The following KMT2E variants were observed in gnomAD, a reference collection of about 807,000 sequenced individuals.
The protein encoded by KMT2E is lysine methyltransferase 2E (inactive), also known as histone reader KMT2E.
A neutral mutation model predicts 184.6 loss-of-function variants in KMT2E; 30 were observed. That is an observed-to-expected ratio of 0.16 (90% CI 0.12 to 0.22). KMT2E has a LOEUF of 0.22. Ranked by LOEUF, KMT2E falls within the 10% of genes least tolerant of loss-of-function variation. The probability of loss-of-function intolerance (pLI) is 1.00; values close to 1 mark genes in which losing one functional copy is unlikely to be tolerated. For synonymous variants in KMT2E, 815 were observed against 776.5 expected (o/e 1.05, Z -0.82); for missense variants, 2,023 against 2,237.4 (o/e 0.90, Z 1.93).
intron 1 of KMT2E, among the ~76,000 whole-genome samples, chr7:105,025,233 T>G (rs1366263609): frequency 6.6e-6 from 1 of 152,174 alleles, no homozygotes; most frequent in East Asian, 1.9e-4. Flanking sequence ...CAGGTTGTAC[T>G]TCTTTGGGCA....
In KMT2E at chr7:105,105,581, G is replaced by A. The variant is rs1798865535; in HGVS notation, c.2339G>A (p.Ser780Asn). The change falls in exon 18 of 27, where the codon AGC (serine) becomes AAC (asparagine). Residue 780 changes from serine to asparagine, a missense_variant. This residue lies in a region of KMT2E where 514 missense variants were observed against 621.8 expected (regional missense o/e 0.83). Transcript: ENST00000311117. Reference sequence around the variant, plus strand: ...AATTCTTTACCAGGTCTCACTTACAGCCCCCATGTATACTCCACTCCTAAG... The same window carrying A: ...AATTCTTTACCAGGTCTCACTTACAACCCCCATGTATACTCCACTCCTAAG... ...QLNSLPGLTY[S>N]PHVYSTPKHY... The A allele has an allele frequency of 1.2e-6, 2 of 1,613,764 alleles. No homozygotes were observed. Among genetic ancestry groups the A allele is most frequent in the East Asian group, 4.5e-5 (2 of 44,878 alleles).
rs1195200530 is a variant in KMT2E, at chr7:105,115,007, ATTC to A, written c.*1680_*1682del. Among the ~76,000 whole-genome samples, 7 of 152,240 alleles carry A rather than the reference ATTC, an allele frequency of 4.6e-5. No homozygotes were observed. The highest frequency in any genetic ancestry group is 1.7e-4 in the African/African-American group (7 of 41,466). ...GGTAACTAGCATGTGAAATAAAAAT[ATTC>A]TTCTTAAAAGGTTTGTCCTTCTAAG... On this transcript the variant is annotated 3_prime_UTR_variant, in exon 27 of 27. Coordinates refer to ENST00000311117, the MANE Select transcript of KMT2E (RefSeq NM_182931.3).
chr7:105,031,023 TAGAA>T (rs754520381), intron 1 of KMT2E, among the ~76,000 whole-genome samples: 1 of 151,992 alleles, frequency 6.6e-6, no homozygotes, highest in Non-Finnish European at 1.5e-5. Flanking sequence ...TAGAAGGAGA[TAGAA>T]GGAGAGTGAG....
chr7:105,075,123 T>G (rs1797475175), intron 8 of KMT2E, among the ~76,000 whole-genome samples: 1 of 152,026 alleles, frequency 6.6e-6, no homozygotes, highest in Non-Finnish European at 1.5e-5. Flanking sequence ...TTCCTTTCAC[T>G]TGTCTGTCTG....
rs373526032 is a variant in KMT2E, at chr7:105,111,863, C to A, written c.4107C>A (p.His1369Gln). The A allele has an allele frequency of 3.1e-6, 5 of 1,613,592 alleles. No individual in the cohort carries two copies. The highest frequency in any genetic ancestry group is 8.5e-7 in the Non-Finnish European group (1 of 1,179,862). ...SPGSVIPAQA[H>Q]GKIFTKPDPQ... ...GATCTGTAATTCCTGCTCAAGCACA[C>A]GGGAAAATATTCACAAAACCAGATC... The change falls in exon 27 of 27, where the codon CAC (histidine) becomes CAA (glutamine). Residue 1369 changes from histidine to glutamine, a missense_variant. Physicochemically the swap from His to Gln is conservative, Grantham distance 24. Transcript: ENST00000311117.
chr7:105,039,142 A>G (rs1056734414), intron 2 of KMT2E: 2 of 152,232 alleles, frequency 1.3e-5, no homozygotes, highest in East Asian at 1.9e-4. Context: ...GCATTCACCA[A>G]TTCTTTGTAG....
intron 1 of KMT2E, among the ~76,000 whole-genome samples, chr7:105,027,542 C>T (rs1229961216): frequency 2.0e-5 from 3 of 152,136 alleles, no homozygotes; most frequent in Non-Finnish European, 2.9e-5. Flanking sequence ...TGTTTGCATA[C>T]TGAGTATTTT....
intron 12 of KMT2E, among the ~76,000 whole-genome samples, chr7:105,079,170 T>G (rs1483855271): frequency 1.3e-5 from 2 of 151,130 alleles, no homozygotes; most frequent in African/African-American, 4.9e-5. Flanking sequence ...AGTTTCACTC[T>G]TGTTGCCCAG....
At chr7:105,066,031 G>A (rs1000096257) in intron 5 of KMT2E, among the ~76,000 whole-genome samples, 16 of 151,950 alleles carry the variant, frequency 1.1e-4, no homozygotes, top group African/African-American at 3.4e-4. Flanking sequence ...TTTCTCTGGC[G>A]TTAATTCTGG....
chr7:105,096,709 A>C (rs752459817), intron 15 of KMT2E, among the ~76,000 whole-genome samples: 22 of 152,366 alleles, frequency 1.4e-4, no homozygotes, highest in Middle Eastern at 6.8e-3. Context: ...TGTTTATAAC[A>C]ACCACTTGAG....
rs369016998 is a variant in KMT2E, at chr7:105,109,235, C to T, written c.3755+7C>T. On this transcript the variant is annotated splice_region_variant and intron_variant, in intron 23 of 26. Coordinates refer to ENST00000311117, the MANE Select transcript of KMT2E (RefSeq NM_182931.3). The stretch of plus-strand genomic sequence containing the variant: ...ATGAACCAGAAGTTCAATGGTAAGC[C>T]CATTGTGAAGTATGCTACTCTGGAA... The T allele has an allele frequency of 1.2e-4, 195 of 1,612,462 alleles. No homozygotes were observed. In the African/African-American group the frequency reaches 1.5e-3, roughly 13 times the overall value.
intron 3 of KMT2E, among the ~76,000 whole-genome samples, chr7:105,045,332 C>T (rs891431965): frequency 6.6e-6 from 1 of 152,144 alleles, no homozygotes; most frequent in Non-Finnish European, 1.5e-5. Context: ...TCGTGTTAAC[C>T]ATTTTTAAGT....
At chr7:105,102,417 G>C (rs1798693465) in intron 17 of KMT2E, 1 of 371,602 alleles carries the variant, frequency 2.7e-6, no homozygotes, top group East Asian at 5.3e-5. Flanking sequence ...GGACTTTTAT[G>C]GTATTGCAAT....
chr7:105,063,211 T>A (rs914000495), intron 4 of KMT2E, 140 bp from the exon 5 acceptor site: 13 of 590,890 alleles, frequency 2.2e-5, no homozygotes, highest in African/African-American at 3.8e-5. Flanking sequence ...GTCATTTTTT[T>A]AATGGTATTA....
At chr7:105,061,794 T>C (rs1023754142) in intron 3 of KMT2E, 4 of 163,558 alleles carry the variant, frequency 2.4e-5, no homozygotes, top group Non-Finnish European at 2.6e-5. Flanking sequence ...CCATTTGAGG[T>C]CCATATAGAT....
chr7:105,015,179 C>T (rs999226022), intron 1 of KMT2E, among the ~76,000 whole-genome samples: 2 of 152,180 alleles, frequency 1.3e-5, no homozygotes, highest in Non-Finnish European at 2.9e-5. Context: ...TGCATTACCG[C>T]CGTCCTTTAC....
chr7:105,108,210 C>A (rs2129569958), intron 22 of KMT2E, among the ~76,000 whole-genome samples: 1 of 152,152 alleles, frequency 6.6e-6, no homozygotes, highest in South Asian at 2.1e-4. Context: ...AAACTAGGAA[C>A]TCCCCAACCA....
chr7:105,057,754 T>C (rs1796629859), intron 3 of KMT2E, among the ~76,000 whole-genome samples: 1 of 152,170 alleles, frequency 6.6e-6, no homozygotes. Context: ...GCCCAGCCTC[T>C]TAAGTATTTT....
At chr7:105,033,886 T>A (rs555130775) in intron 1 of KMT2E, among the ~76,000 whole-genome samples, 11 of 152,224 alleles carry the variant, frequency 7.2e-5, no homozygotes, top group South Asian at 4.1e-4. Flanking sequence ...AAAAGGGAAA[T>A]GGGCACGTGT....
Sources: allele counts gnomAD v4.1 joint callset (sites outside exome capture counted in the v4.1 genomes callset), GRCh38; gene constraint gnomAD v4.1.1; regional missense constraint gnomAD v4.1.1; transcripts MANE v1.5; gene names NCBI Gene and HGNC (gene_info 2026-07-23, HGNC 2026-07-21).